FHIT: variants seen among roughly 807,000 people sequenced by gnomAD.
FHIT encodes the protein fragile histidine triad diadenosine triphosphatase, also known as bis(5'-adenosyl)-triphosphatase.
A neutral mutation model predicts 17.9 loss-of-function variants in FHIT; 19 were observed. The observed-to-expected ratio is 1.06, with a 90% confidence interval of 0.74 to 1.56. FHIT has a LOEUF of 1.56. Ranked by LOEUF, FHIT falls within the 40% of genes most tolerant of loss-of-function variation. The pLI is 0.00. For synonymous variants in FHIT, 81 were observed against 69.7 expected, an observed-to-expected ratio of 1.16 and a Z score of -0.81; for missense variants, 248 against 189.2, an observed-to-expected ratio of 1.31 and a Z score of -1.82.
intron 3 of FHIT, among the ~76,000 whole-genome samples, chr3:60,911,960 A>T (rs144864732): frequency 1.6e-3 from 245 of 152,242 alleles, no homozygotes; most frequent in South Asian, 5.8e-3. Context: ...TAAGATGCTG[A>T]CAATAATTAT....
At chr3:60,967,879 C>A (rs1283054303) in intron 3 of FHIT, among the ~76,000 whole-genome samples, 3 of 152,058 alleles carry the variant, frequency 2.0e-5, no homozygotes, top group Non-Finnish European at 2.9e-5. Flanking sequence ...CAGCCATATT[C>A]AAATACCATC....
intron 4 of FHIT, among the ~76,000 whole-genome samples, chr3:60,626,985 C>G (rs1166779143): frequency 6.6e-6 from 1 of 151,856 alleles, no homozygotes; most frequent in Non-Finnish European, 1.5e-5. Context: ...TATTGATATG[C>G]TATATTACAT....
intron 3 of FHIT, among the ~76,000 whole-genome samples, chr3:61,036,901 G>GTTTTTTTTTTTTTTTTTTTTTTTTTTTTT (rs746649804): frequency 7.1e-5 from 5 of 70,320 alleles, no homozygotes; most frequent in African/African-American, 1.6e-4. Flanking sequence ...AGTCTGCTTT[G>GTTTTTTTTTTTTTTTTTTTTTTTTTTTTT]TTTTTTTTTT....
At chr3:60,084,113 A>C (rs193281084) in intron 5 of FHIT, among the ~76,000 whole-genome samples, 3 of 152,172 alleles carry the variant, frequency 2.0e-5, no homozygotes, top group Non-Finnish European at 2.9e-5. Flanking sequence ...ATAATGTTGT[A>C]TAAGGATTCA....
chr3:60,467,354 G>T (rs963279639), intron 5 of FHIT, among the ~76,000 whole-genome samples: 1 of 151,212 alleles, frequency 6.6e-6, no homozygotes, highest in Non-Finnish European at 1.5e-5. Flanking sequence ...TTTCTGCTCT[G>T]ATCTTTATTT....
chr3:59,966,629 T>C (rs189345365), intron 7 of FHIT, among the ~76,000 whole-genome samples: 24 of 152,306 alleles, frequency 1.6e-4, no homozygotes, highest in Non-Finnish European at 3.1e-4. Context: ...TAAGTATTCA[T>C]GTATCTAAAT....
intron 5 of FHIT, among the ~76,000 whole-genome samples, chr3:60,097,959 G>A (rs1704030343): frequency 6.7e-6 from 1 of 148,826 alleles, no homozygotes; most frequent in Admixed American, 6.8e-5. Flanking sequence ...GTGAGAACAT[G>A]CAGTGTTTGG....
intron 8 of FHIT, among the ~76,000 whole-genome samples, chr3:59,763,559 A>T (rs1361651943): frequency 6.6e-6 from 1 of 152,234 alleles, no homozygotes; most frequent in African/African-American, 2.4e-5. Flanking sequence ...AGTGTATTTT[A>T]TAGTGTAATA....
At chr3:60,210,334 T>C (rs1703391171) in intron 5 of FHIT, among the ~76,000 whole-genome samples, 1 of 151,974 alleles carries the variant, frequency 6.6e-6, no homozygotes, top group African/African-American at 2.4e-5. Context: ...CTATGAAAAC[T>C]AAAATTAAGG....
intron 5 of FHIT, among the ~76,000 whole-genome samples, chr3:60,037,390 CTTTTT>C (rs35755244): frequency 2.2e-5 from 3 of 133,718 alleles, no homozygotes; most frequent in Non-Finnish European, 1.7e-5. Flanking sequence ...CCAAGTCTTT[CTTTTT>C]TTTTTTTTTT....
intron 2 of FHIT, among the ~76,000 whole-genome samples, chr3:61,105,725 T>TTATACTCACTTGGGATCCTTCACAACCA (rs2035970283): frequency 6.6e-6 from 1 of 152,168 alleles, no homozygotes; most frequent in East Asian, 1.9e-4. Flanking sequence ...TTCTTTACCC[T>TTATACTCACTTGGGATCCTTCACAACCA]TATACTCACT....
rs138300623 is a variant in FHIT at position 60,750,009 on chromosome 3, A to C, written c.-18+71910T>G. Among the ~76,000 whole-genome samples, 220 of 152,294 alleles carry C rather than the reference A, an allele frequency of 1.4e-3. 1 individual carries two copies. The highest frequency in any genetic ancestry group is 4.9e-3 in the African/African-American group (205 of 41,556). On this transcript the variant is annotated intron_variant, in intron 4 of 9. Coordinates refer to ENST00000492590, the MANE Select transcript of FHIT (RefSeq NM_002012.4). ...CGTAGGCACTACCTCTATTTCATTA[A>C]AACCAAGGCTGAGAGTAATGTATCT...
intron 5 of FHIT, among the ~76,000 whole-genome samples, chr3:60,494,744 T>C (rs242225): frequency 0.71 from 107,667 of 152,060 alleles, 39,094 homozygotes; most frequent in African/African-American, 0.82. Flanking sequence ...TTTCTAGGCC[T>C]GACTTATTTC....
chr3:60,549,328 G>T (rs1225750346), intron 4 of FHIT, among the ~76,000 whole-genome samples: 1 of 152,090 alleles, frequency 6.6e-6, no homozygotes, highest in Non-Finnish European at 1.5e-5. Flanking sequence ...AGAAATAACA[G>T]CTAAGTACTT....
At chr3:59,866,630 T>C (rs1160246592) in intron 8 of FHIT, among the ~76,000 whole-genome samples, 1 of 152,118 alleles carries the variant, frequency 6.6e-6, no homozygotes, top group Non-Finnish European at 1.5e-5. Flanking sequence ...GGATCTGGGA[T>C]ATGTCTAAAA....
intron 5 of FHIT, among the ~76,000 whole-genome samples, chr3:60,113,703 G>T (rs927511491): frequency 6.6e-6 from 1 of 151,396 alleles, no homozygotes; most frequent in African/African-American, 2.4e-5. Context: ...CATGATCAAT[G>T]ATAAATTTTA....
intron 5 of FHIT, among the ~76,000 whole-genome samples, chr3:60,112,597 C>T (rs1704725434): frequency 6.6e-6 from 1 of 152,202 alleles, no homozygotes; most frequent in South Asian, 2.1e-4. Context: ...TCACCTTCCA[C>T]ACATCACATA....
intron 5 of FHIT, among the ~76,000 whole-genome samples, chr3:60,215,697 G>C (rs1458309057): frequency 1.3e-5 from 2 of 152,184 alleles, no homozygotes; most frequent in Non-Finnish European, 2.9e-5. Flanking sequence ...TAATTAAAAT[G>C]AATAGCTTTA....
chr3:60,802,786 A>G (rs1553732714), intron 4 of FHIT, among the ~76,000 whole-genome samples: 1 of 151,814 alleles, frequency 6.6e-6, no homozygotes, highest in Non-Finnish European at 1.5e-5. Context: ...AAAAAATTCC[A>G]GGAAACTTAA....
Sources: gnomAD v4.1 joint callset for allele counts (sites outside exome capture counted in the v4.1 genomes callset) on GRCh38, gnomAD v4.1.1 for gene constraint, MANE v1.5 for transcripts, NCBI Gene and HGNC (gene_info 2026-07-23, HGNC 2026-07-21) for gene names.